The following L3MBTL4 variants were observed in gnomAD, a reference collection of about 807,000 sequenced individuals.
L3MBTL4 encodes lethal(3)malignant brain tumor-like protein 4.
A neutral mutation model predicts 84.5 loss-of-function variants in L3MBTL4; 70 were observed. That is an observed-to-expected ratio of 0.83 (90% confidence interval 0.68 to 1.01). The LOEUF (loss-of-function observed/expected upper bound fraction) is 1.01. L3MBTL4 is among the 50% of genes least tolerant of loss of function. The probability of loss-of-function intolerance (pLI) is 0.00; values close to 1 mark genes in which losing one functional copy is unlikely to be tolerated. For synonymous variants in L3MBTL4, 274 were observed against 259.8 expected (o/e 1.05, Z -0.52); for missense variants, 715 against 754.8 (o/e 0.95, Z 0.62).
intron 1 of L3MBTL4, among the ~76,000 whole-genome samples, chr18:6,367,027 C>T (rs1273731425): frequency 6.6e-6 from 1 of 152,218 alleles, no homozygotes; most frequent in East Asian, 1.9e-4. Context: ...GGAAAGCCCA[C>T]AGCAGGTGCC....
chr18:6,306,390 C>G (rs529317365), intron 3 of L3MBTL4, among the ~76,000 whole-genome samples: 15 of 152,194 alleles, frequency 9.9e-5, no homozygotes, highest in African/African-American at 3.4e-4. Context: ...TTTGCTAAGA[C>G]ACATACAAAA....
intron 16 of L3MBTL4, among the ~76,000 whole-genome samples, chr18:5,992,111 G>A (rs367731980): frequency 1.5e-4 from 23 of 152,296 alleles, no homozygotes; most frequent in African/African-American, 5.3e-4. Flanking sequence ...TGGTCCAGCA[G>A]GAAGGGCATA....
At chr18:6,130,675 G>A (rs1479364605) in intron 14 of L3MBTL4, among the ~76,000 whole-genome samples, 4 of 152,040 alleles carry the variant, frequency 2.6e-5, no homozygotes. Flanking sequence ...TGGAGTCTGT[G>A]TTCTACTCAT....
Position 5,972,887 on chromosome 18 carries a change from CAGAAGAGAATAGAAT to C in L3MBTL4, c.1445-3340_1445-3326del, listed in dbSNP as rs1251462576. On this transcript the variant is annotated intron_variant, in intron 16 of 18. Coordinates refer to ENST00000317931, the MANE Select transcript of L3MBTL4 (RefSeq NM_001330559.2). ...TAGAATAGAATAGAATAGAATAGAA[CAGAAGAGAATAGAAT>C]AGAATAGAATAGAATAGAATAGAAT... 2.9e-3 allele frequency among the ~76,000 whole-genome samples: 77 copies of C among 26,700 alleles called. 2 individuals carry two copies. The highest frequency in any genetic ancestry group is 4.3e-3 in the African/African-American group (26 of 6,052). The allele number at this position is 26,700 out of a possible 152,430, so 17.5% of individuals were successfully genotyped here. A position where few individuals can be genotyped will look rare whatever the true frequency, so the allele number is the denominator to read the frequency against.
intron 16 of L3MBTL4, among the ~76,000 whole-genome samples, chr18:6,011,882 G>A (rs1329065985): frequency 1.3e-5 from 2 of 152,170 alleles, no homozygotes; most frequent in African/African-American, 4.8e-5. Context: ...TTGTTAAAGG[G>A]ATATTTTTAA....
chr18:6,404,912 T>C (rs917018319), intron 1 of L3MBTL4, among the ~76,000 whole-genome samples: 1 of 151,688 alleles, frequency 6.6e-6, no homozygotes. Flanking sequence ...GCCAGGCTGG[T>C]CTTGAACTCC....
chr18:5,969,513 C>A lies in L3MBTL4; in HGVS notation c.1494G>T (p.Met498Ile). The A allele has an allele frequency of 1.2e-6, 2 of 1,613,648 alleles. No individual in the cohort carries two copies. The highest frequency in any genetic ancestry group is 1.7e-6 in the Non-Finnish European group (2 of 1,179,802). ...AQQVLHQSVSMSTVSAHPFRD... is the reference protein window; with the variant it reads ...AQQVLHQSVSISTVSAHPFRD... ...GAAAAGGGTGGGCTGACACCGTGGA[C>A]ATGGACACTGACTGGTGAAGCACCT... Residue 498 changes from methionine to isoleucine, a missense_variant, in exon 17 of 19, where the codon ATG becomes ATT. Coordinates refer to ENST00000317931, the MANE Select transcript of L3MBTL4 (RefSeq NM_001330559.2).
chr18:6,083,879 T>G (rs1420138168), intron 15 of L3MBTL4, among the ~76,000 whole-genome samples: 1 of 152,158 alleles, frequency 6.6e-6, no homozygotes, highest in African/African-American at 2.4e-5. Context: ...CTATCCATTG[T>G]TTTTCAATGT....
At chr18:6,179,368 T>C (rs2044364187) in intron 12 of L3MBTL4, among the ~76,000 whole-genome samples, 1 of 152,206 alleles carries the variant, frequency 6.6e-6, no homozygotes, top group Non-Finnish European at 1.5e-5. Context: ...AGTTTCATTC[T>C]AGAGAGGAGA....
At chr18:6,148,881 G>C (rs1037199404) in intron 13 of L3MBTL4, among the ~76,000 whole-genome samples, 1 of 151,532 alleles carries the variant, frequency 6.6e-6, no homozygotes. Context: ...GGCACCTAAG[G>C]GTTTTTAATG....
chr18:6,168,907 GAA>G (rs907394355), intron 13 of L3MBTL4, among the ~76,000 whole-genome samples: 3 of 148,790 alleles, frequency 2.0e-5, no homozygotes, highest in African/African-American at 7.8e-5. Flanking sequence ...CAGAATGGGA[GAA>G]AATTTTTGCA....
At chr18:5,971,075 T>A (rs1429410368) in intron 16 of L3MBTL4, among the ~76,000 whole-genome samples, 1 of 152,244 alleles carries the variant, frequency 6.6e-6, no homozygotes, top group African/African-American at 2.4e-5. Flanking sequence ...CTGACCTTTT[T>A]AGTATGTAAA....
intron 1 of L3MBTL4, among the ~76,000 whole-genome samples, chr18:6,368,078 A>G (rs2054008031): frequency 6.6e-6 from 1 of 151,990 alleles, no homozygotes; most frequent in Non-Finnish European, 1.5e-5. Context: ...CTCACAAGAA[A>G]GCCACAAGAG....
chr18:6,412,386 C>G (rs1425759236), intron 1 of L3MBTL4, among the ~76,000 whole-genome samples: 1 of 152,144 alleles, frequency 6.6e-6, no homozygotes, highest in Non-Finnish European at 1.5e-5. Context: ...AAAGAATGAA[C>G]ACTTATCTAA....
chr18:5,982,769 AG>A (rs2053293272), intron 16 of L3MBTL4, among the ~76,000 whole-genome samples: 1 of 152,212 alleles, frequency 6.6e-6, no homozygotes, highest in Non-Finnish European at 1.5e-5. Flanking sequence ...TATGCTTAAG[AG>A]GGATAAGAGA....
intron 15 of L3MBTL4, among the ~76,000 whole-genome samples, chr18:6,086,866 A>G (rs978746887): frequency 1.3e-5 from 2 of 152,114 alleles, no homozygotes; most frequent in African/African-American, 4.8e-5. Context: ...TCACCTCCAC[A>G]TCCCTAGCAC....
At chr18:6,253,477 T>C (rs2048012778) in intron 5 of L3MBTL4, among the ~76,000 whole-genome samples, 1 of 152,118 alleles carries the variant, frequency 6.6e-6, no homozygotes, top group Non-Finnish European at 1.5e-5. Flanking sequence ...ATTCAGTACA[T>C]ACTTAGGGGG....
chr18:6,262,009 C>T (rs945055774), intron 5 of L3MBTL4, among the ~76,000 whole-genome samples: 2 of 152,138 alleles, frequency 1.3e-5, no homozygotes, highest in Non-Finnish European at 2.9e-5. Context: ...TGCCCTGGGA[C>T]CCTGATCTGA....
chr18:6,074,191 G>A (rs764282957), intron 16 of L3MBTL4, among the ~76,000 whole-genome samples: 1 of 152,112 alleles, frequency 6.6e-6, no homozygotes, highest in Non-Finnish European at 1.5e-5. Flanking sequence ...TTCCCTGGCC[G>A]CACGTCTAGA....
Sources: allele counts gnomAD v4.1 joint callset (sites outside exome capture counted in the v4.1 genomes callset), GRCh38; gene constraint gnomAD v4.1.1; transcripts MANE v1.5; gene names NCBI Gene and HGNC (gene_info 2026-07-23, HGNC 2026-07-21).